TTYH2: variants seen among roughly 807,000 people sequenced by gnomAD.
TTYH2 encodes the protein tweety family member 2.
TTYH2 carries 49 observed loss-of-function variants against 68.3 expected under a neutral mutation model. The observed-to-expected ratio is 0.72, with a 90% CI of 0.57 to 0.91. TTYH2 has a LOEUF of 0.91. TTYH2 is among the 40% of genes least tolerant of loss of function. The pLI, the probability that TTYH2 is intolerant of heterozygous loss-of-function variation, is 0.00. For synonymous variants in TTYH2, 272 were observed against 300.8 expected, an observed-to-expected ratio of 0.90 and a Z score of 0.99; for missense variants, 631 against 700.4, an observed-to-expected ratio of 0.90 and a Z score of 1.12.
Position 74,222,401 on chromosome 17 carries a change from G to T in TTYH2, c.130-84G>T. 7.0e-7 allele frequency: 1 copy of T among 1,437,842 alleles called. No individual in the cohort carries two copies. The highest frequency in any genetic ancestry group is 9.3e-7 in the Non-Finnish European group (1 of 1,071,512). 89.1% of individuals were successfully genotyped at this position (1,437,842 alleles called of 1,614,324 possible). A position where few individuals can be genotyped will look rare whatever the true frequency, so the allele number is the denominator to read the frequency against. On this transcript the variant is annotated intron_variant, in intron 1 of 13. Coordinates refer to ENST00000269346, the MANE Select transcript of TTYH2 (RefSeq NM_032646.6). The surrounding 1 kb of genome is among the most constrained non-coding windows in gnomAD (Gnocchi z 5.2). ...CGAGAGATGCAGCTCAGGCAGTGGG[G>T]CACTCAGGGCCCAAGGGCAGGGCAC...
intron 10 of TTYH2, chr17:74,251,937 A>C: frequency 2.8e-6 from 1 of 363,024 alleles, no homozygotes; most frequent in Non-Finnish European, 5.1e-6. Context: ...CCTCAGCTTC[A>C]GTGCCCCCGT....
At chr17:74,223,314 C>A (rs2050297788) in intron 2 of TTYH2, among the ~76,000 whole-genome samples, 1 of 151,676 alleles carries the variant, frequency 6.6e-6, no homozygotes, top group African/African-American at 2.4e-5. Flanking sequence ...GGGGAAGAGA[C>A]AGGCTTTCAT....
Position 74,217,395 on chromosome 17 carries a change from A to G in TTYH2, c.129+3679A>G, listed in dbSNP as rs111440295. Among the ~76,000 whole-genome samples the G allele has an allele frequency of 3.1e-4, 47 of 152,284 alleles. 1 individual carries two copies. The highest frequency in any genetic ancestry group is 1.1e-3 in the African/African-American group (44 of 41,558). ...GTTGGTTCCGTTCATAGATTCGCCA[A>G]AGTACAAAGTGGAGGGTACACAGTT... On this transcript the variant is annotated intron_variant, in intron 1 of 13. Transcript: ENST00000269346. This position sits in a 1 kb window ranked among gnomAD's most constrained non-coding sequence, Gnocchi z 4.0.
chr17:74,237,461 C>T lies in TTYH2; in HGVS notation c.582C>T (p.Val194=). The stretch of plus-strand genomic sequence containing the variant: ...CAGGACTGCCCGTGTGGAGGGAGGT[C>T]ACCATGGAGCTGACCAAGCTATCCG... ...QLSGLPVWRE[V]TMELTKLSDQ... is the part of the protein sequence containing the mutation. The change falls in exon 4 of 14, where the codon GTC becomes GTT. Residue 194 remains valine, a synonymous_variant. Transcript: ENST00000269346. The T allele has an allele frequency of 1.9e-6, 3 of 1,613,886 alleles. No homozygotes were observed. Among genetic ancestry groups the T allele is most frequent in the Non-Finnish European group, 2.5e-6 (3 of 1,179,936 alleles).
chr17:74,252,955 G>A, intron 11 of TTYH2, 126 bp from the exon 12 acceptor site: 1 of 949,938 alleles, frequency 1.1e-6, no homozygotes, highest in Admixed American at 2.4e-5. Context: ...CGTTTTAGAG[G>A]AGTCTCAAGG....
At chr17:74,247,242 G>A (rs879291828) in intron 6 of TTYH2, among the ~76,000 whole-genome samples, 21 of 151,404 alleles carry the variant, frequency 1.4e-4, no homozygotes, top group Admixed American at 3.3e-4. Flanking sequence ...AAAGAACAGC[G>A]TGAGAAAGAC....
Position 74,253,284 on chromosome 17 carries a change from A to G in TTYH2, c.1445+18A>G. On this transcript the variant is annotated intron_variant, in intron 12 of 13. Transcript: ENST00000269346. ...GAGTACATGTACGGCCTGCACACAC[A>G]CCCAGGCTGGGTAGCACTGCCCGGA... 6.4e-7 allele frequency: 1 copy of G among 1,565,660 alleles called. No individual in the cohort carries two copies. The highest frequency in any genetic ancestry group is 8.6e-7 in the Non-Finnish European group (1 of 1,157,614).
chr17:74,256,873 T>G (rs1392569604), intron 13 of TTYH2: 1 of 152,242 alleles, frequency 6.6e-6, no homozygotes, highest in East Asian at 1.9e-4. Context: ...AGTCTCTAAC[T>G]CCTGGCCTCA....
At position 74,225,498 on chromosome 17, in the gene TTYH2, C is replaced by T. The variant is rs1011125531; in HGVS notation, c.302+2841C>T. On this transcript the variant is annotated intron_variant, in intron 2 of 13. Transcript: ENST00000269346. ...AACTCAAGTTGAATGTAACCCAGGC[C>T]GGCGGGAGTATTCGGAACAGTGGGA... is the stretch of plus-strand genomic sequence containing the variant. Among the ~76,000 whole-genome samples, 4 of 152,130 alleles carry T rather than the reference C, an allele frequency of 2.6e-5. No homozygotes were observed. In the South Asian group the frequency reaches 6.2e-4, roughly 24 times the overall value.
At chr17:74,250,095 C>T (rs1239817963) in intron 9 of TTYH2, 67 bp downstream of exon 9, 2 of 1,564,174 alleles carry the variant, frequency 1.3e-6, no homozygotes, top group East Asian at 2.3e-5. Context: ...CCTGCCCCGG[C>T]CCCAGGGCCA....
chr17:74,251,945 C>T (rs1376230783), intron 10 of TTYH2: 2 of 387,966 alleles, frequency 5.2e-6, no homozygotes, highest in Non-Finnish European at 9.5e-6. Context: ...TCAGTGCCCC[C>T]GTCTCTGGTT....
At chr17:74,227,420 G>A (rs2143729997) in intron 2 of TTYH2, among the ~76,000 whole-genome samples, 1 of 152,316 alleles carries the variant, frequency 6.6e-6, no homozygotes, top group Non-Finnish European at 1.5e-5. Context: ...CAGAGAGCTA[G>A]AAAAGGATGA....
At position 74,260,121 on chromosome 17, in the gene TTYH2, C is replaced by T. The variant is rs762717449; in HGVS notation, c.1525-8C>T. 4 of 1,613,332 alleles carry T rather than the reference C, an allele frequency of 2.5e-6. No homozygotes were observed. The Admixed American group carries it at 6.7e-5, about 27-fold the overall frequency. On this transcript the variant is annotated splice_region_variant and splice_polypyrimidine_tract_variant and intron_variant, in intron 13 of 13. Transcript: ENST00000269346. ...GCTCTGACCATCCCCTCTCTTCTCT[C>T]TTGGCAGTACTCTCCCAGCATGAGA...
intron 13 of TTYH2, among the ~76,000 whole-genome samples, chr17:74,254,524 T>C (rs1006937086): frequency 6.6e-6 from 1 of 152,184 alleles, no homozygotes; most frequent in African/African-American, 2.4e-5. Flanking sequence ...GACAATCAGA[T>C]AGCTACAACT....
chr17:74,221,648 A>G (rs1567809881), intron 1 of TTYH2, among the ~76,000 whole-genome samples: 1 of 152,160 alleles, frequency 6.6e-6, no homozygotes, highest in Non-Finnish European at 1.5e-5. Context: ...TCAAGAGATG[A>G]ATGAGCAGAG....
chr17:74,233,137 T>C (rs985716054), intron 3 of TTYH2, among the ~76,000 whole-genome samples: 3 of 152,086 alleles, frequency 2.0e-5, no homozygotes, highest in East Asian at 1.9e-4. Flanking sequence ...AGCCAGCCCA[T>C]AGCTGCCTCC....
chr17:74,248,035 A>G (rs551096682), intron 6 of TTYH2: 1 of 152,724 alleles, frequency 6.5e-6, no homozygotes, highest in African/African-American at 2.4e-5. Flanking sequence ...ATAAATGTCT[A>G]TCAACTTAGC....
In TTYH2 at chr17:74,214,667, T is replaced by C. The variant is rs1023500857; in HGVS notation, c.129+951T>C. Among the ~76,000 whole-genome samples, 3 of 152,214 alleles carry C rather than the reference T, an allele frequency of 2.0e-5. No homozygotes were observed. Among genetic ancestry groups the C allele is most frequent in the African/African-American group, 7.2e-5 (3 of 41,456 alleles). On this transcript the variant is annotated intron_variant, in intron 1 of 13. Coordinates refer to ENST00000269346, the MANE Select transcript of TTYH2 (RefSeq NM_032646.6). This position sits in a 1 kb window ranked among gnomAD's most constrained non-coding sequence, Gnocchi z 4.6. ...GTCTCAGGTCTGGTCACGCCTGCTC[T>C]GGCCCCGGGAGCCCACCTGTATCAG...
intron 3 of TTYH2, 66 bp downstream of exon 3, chr17:74,231,065 G>T: frequency 6.8e-7 from 1 of 1,464,748 alleles, no homozygotes. Flanking sequence ...TCAGAGCAAG[G>T]GCCCCCGTCA....
Sources: allele counts gnomAD v4.1 joint callset (sites outside exome capture counted in the v4.1 genomes callset), GRCh38; gene constraint gnomAD v4.1.1; non-coding constraint Gnocchi (gnomAD v3.1); transcripts MANE v1.5; gene names NCBI Gene and HGNC (gene_info 2026-07-23, HGNC 2026-07-21).